Variants in LRRC49 observed in about 807,000 individuals in gnomAD.
LRRC49 encodes leucine rich repeat containing 49.
A neutral mutation model predicts 83.3 loss-of-function variants in LRRC49; 50 were observed. The observed-to-expected ratio is 0.60, with a 90% CI of 0.48 to 0.76. LRRC49 has a LOEUF of 0.76. Among genes scored for constraint, LRRC49 ranks in the 30% least tolerant of loss-of-function variants. The probability of loss-of-function intolerance (pLI) is 0.00; values close to 1 mark genes in which losing one functional copy is unlikely to be tolerated. For missense variants in LRRC49, 704 were observed against 809.1 expected (o/e 0.87, Z 1.58); for synonymous variants, 286 against 283.3 (o/e 1.01, Z -0.10).
chr15:70,980,078 A>T (rs747722694), intron 9 of LRRC49, 23 bp from the exon 10 acceptor site: 14 of 1,525,736 alleles, frequency 9.2e-6, no homozygotes, highest in Middle Eastern at 1.7e-4. Context: ...TCTTCATAAT[A>T]CTTTTCGGAA....
At chr15:71,002,627 T>C (rs1361912395) in intron 11 of LRRC49, among the ~76,000 whole-genome samples, 1 of 152,158 alleles carries the variant, frequency 6.6e-6, no homozygotes, top group Admixed American at 6.5e-5. Context: ...ATATAATGCA[T>C]ACAATGAATT....
chr15:70,862,300 CG>C lies in LRRC49; in HGVS notation c.-299+8834del, dbSNP rs1208159742. Among the ~76,000 whole-genome samples, 6 of 152,170 alleles carry C rather than the reference CG, an allele frequency of 3.9e-5. No homozygotes were observed. The East Asian group carries it at 7.8e-4, about 20-fold the overall frequency. On this transcript the variant is annotated intron_variant, in intron 1 of 16. Transcript: ENST00000544974. The stretch of plus-strand genomic sequence containing the variant: ...GGCTTTTAAAAATTCTGAGGCTGGC[CG>C]GGCGCGGTGGCTCACGCCTGTAATC...
At chr15:70,995,813 G>A (rs2038056158) in intron 11 of LRRC49, among the ~76,000 whole-genome samples, 1 of 152,152 alleles carries the variant, frequency 6.6e-6, no homozygotes, top group Non-Finnish European at 1.5e-5. Flanking sequence ...GCTGTTCCAA[G>A]AGAAAGAGGA....
intron 10 of LRRC49, among the ~76,000 whole-genome samples, chr15:70,980,864 T>C (rs1482870505): frequency 6.6e-6 from 1 of 152,128 alleles, no homozygotes; most frequent in African/African-American, 2.4e-5. Context: ...ATAGATGCTT[T>C]TCTTTTTAAA....
At chr15:70,864,745 C>T (rs542388064) in intron 1 of LRRC49, among the ~76,000 whole-genome samples, 2 of 152,274 alleles carry the variant, frequency 1.3e-5, no homozygotes, top group South Asian at 4.1e-4. Context: ...TGTCCATAAA[C>T]TCAGATGTGG....
At chr15:70,886,650 G>A (rs553957510) in intron 2 of LRRC49, among the ~76,000 whole-genome samples, 4 of 151,958 alleles carry the variant, frequency 2.6e-5, no homozygotes, top group African/African-American at 7.2e-5. Context: ...GGTGGGTCAC[G>A]AGGTCAGGAG....
At chr15:70,992,014 A>G (rs1338785402) in intron 11 of LRRC49, among the ~76,000 whole-genome samples, 2 of 152,222 alleles carry the variant, frequency 1.3e-5, no homozygotes, top group African/African-American at 2.4e-5. Context: ...TGGGATCCAC[A>G]TGTAGACCTT....
At chr15:71,042,356 G>A (rs569549198) in intron 15 of LRRC49, among the ~76,000 whole-genome samples, 9 of 152,208 alleles carry the variant, frequency 5.9e-5, no homozygotes, top group African/African-American at 2.2e-4. Flanking sequence ...TAAGCTATAA[G>A]AAAGTAAAGA....
rs2039964022 is a variant in LRRC49 at position 71,049,719 on chromosome 15, A to G, written c.*107A>G. ...CAACAACACTATCCTATAAACTAGA[A>G]AGACTAGTATAAAAGCATTATTGCC... is the stretch of plus-strand genomic sequence containing the variant. On this transcript the variant is annotated 3_prime_UTR_variant, in exon 16 of 16. Transcript: ENST00000260382. 8.6e-6 allele frequency: 6 copies of G among 701,338 alleles called. No individual in the cohort carries two copies. The East Asian group carries it at 1.6e-4, about 19-fold the overall frequency. The allele number at this position is 701,338 out of a possible 1,614,324, so 43.4% of individuals were successfully genotyped here. A position where few individuals can be genotyped will look rare whatever the true frequency, so the allele number is the denominator to read the frequency against.
chr15:71,000,182 T>A (rs1278281320), intron 11 of LRRC49, among the ~76,000 whole-genome samples: 1 of 152,246 alleles, frequency 6.6e-6, no homozygotes, highest in Non-Finnish European at 1.5e-5. Flanking sequence ...TTGTAATTTA[T>A]TAGATTCCAG....
Position 70,919,466 on chromosome 15 carries a change from C to A in LRRC49, c.711+273C>A, listed in dbSNP as rs1397327889. Reference sequence around the variant, plus strand: ...TTGGTGTAAATGAGTAGTAAACCCTCTTCTGTTTTGTCATGGGTATAGAAT... The same window carrying A: ...TTGGTGTAAATGAGTAGTAAACCCTATTCTGTTTTGTCATGGGTATAGAAT... On this transcript the variant is annotated intron_variant, in intron 7 of 15. Coordinates refer to ENST00000260382, the MANE Select transcript of LRRC49 (RefSeq NM_017691.5). Among the ~76,000 whole-genome samples, 3 of 152,134 alleles carry A rather than the reference C, an allele frequency of 2.0e-5. No homozygotes were observed. In the East Asian group the frequency reaches 5.8e-4, roughly 29 times the overall value.
intron 7 of LRRC49, among the ~76,000 whole-genome samples, chr15:70,933,659 G>T (rs1226607549): frequency 6.6e-6 from 1 of 152,190 alleles, no homozygotes; most frequent in African/African-American, 2.4e-5. Context: ...GCAAGTAAAA[G>T]CACACTGCCT....
intron 8 of LRRC49, among the ~76,000 whole-genome samples, chr15:70,943,477 G>A (rs1283383047): frequency 1.3e-5 from 2 of 152,170 alleles, no homozygotes; most frequent in East Asian, 3.9e-4. Context: ...CTTTGATTTA[G>A]AGTTTTATAC....
chr15:70,919,094 T>C lies in LRRC49; in HGVS notation c.612T>C (p.Val204=), dbSNP rs1442017722. ...ENINHLCELR[V]LNLARNFLSH... The stretch of plus-strand genomic sequence containing the variant: ...TTAATCATTTGTGTGAGTTGAGAGT[T>C]TTAAATCTTGCCAGGAACTTTTTAA... The change falls in exon 7 of 16, where the codon GTT becomes GTC. Residue 204 remains valine (V), a synonymous_variant. Transcript: ENST00000260382. 1 of 1,612,414 alleles carries C rather than the reference T, an allele frequency of 6.2e-7. No homozygotes were observed. The highest frequency in any genetic ancestry group is 8.5e-7 in the Non-Finnish European group (1 of 1,178,794).
intron 11 of LRRC49, among the ~76,000 whole-genome samples, chr15:71,005,221 C>G (rs931185057): frequency 1.3e-5 from 2 of 152,122 alleles, no homozygotes; most frequent in African/African-American, 4.8e-5. Flanking sequence ...TGCTATTTAT[C>G]TCTCAAGGAT....
chr15:70,920,725 T>C (rs1417715963), intron 7 of LRRC49, among the ~76,000 whole-genome samples: 3 of 152,178 alleles, frequency 2.0e-5, no homozygotes, highest in African/African-American at 4.8e-5. Flanking sequence ...AAACAACTTA[T>C]GGAAGAGGAA....
chr15:70,909,855 C>CACAT (rs761317305), intron 5 of LRRC49, among the ~76,000 whole-genome samples: 1 of 151,432 alleles, frequency 6.6e-6, no homozygotes, highest in Non-Finnish European at 1.5e-5. Context: ...CACACACACA[C>CACAT]ACACACACAC....
At chr15:70,865,595 T>C (rs2032892474) in intron 1 of LRRC49, among the ~76,000 whole-genome samples, 1 of 152,220 alleles carries the variant, frequency 6.6e-6, no homozygotes, top group Non-Finnish European at 1.5e-5. Context: ...CCCTTCACCA[T>C]TTTATATTGT....
chr15:70,891,236 C>T (rs1325006960), upstream of LRRC49, among the ~76,000 whole-genome samples: 1 of 152,072 alleles, frequency 6.6e-6, no homozygotes, highest in Non-Finnish European at 1.5e-5. Flanking sequence ...TTAGAAGGAA[C>T]AGAAAAGTAG....
Sources: gnomAD v4.1 joint callset for allele counts (sites outside exome capture counted in the v4.1 genomes callset) on GRCh38, gnomAD v4.1.1 for gene constraint, MANE v1.5 for transcripts, NCBI Gene and HGNC (gene_info 2026-07-23, HGNC 2026-07-21) for gene names.